CASTOR2: variants seen among roughly 807,000 people sequenced by gnomAD.
CASTOR2 encodes cytosolic arginine sensor for mTORC1 subunit 2, also known as GATS protein like 2.
In CASTOR2, 8 loss-of-function variants were observed where a neutral mutation model predicts 31.2. That is an observed-to-expected ratio of 0.26 (90% CI 0.15 to 0.46). The LOEUF is 0.46. Ranked by LOEUF, CASTOR2 falls within the 20% of genes least tolerant of loss-of-function variation. The pLI, the probability that CASTOR2 is intolerant of heterozygous loss-of-function variation, is 0.99. For missense variants in CASTOR2, 216 were observed against 382.1 expected, an observed-to-expected ratio of 0.57 and a Z score of 3.62; for synonymous variants, 162 against 158.7, an observed-to-expected ratio of 1.02 and a Z score of -0.16.
In CASTOR2 at chr7:75,021,881, A is replaced by G. The variant is rs1224219921; in HGVS notation, c.754A>G (p.Ser252Gly). The G allele has an allele frequency of 3.7e-5, 57 of 1,551,696 alleles. No individual in the cohort carries two copies. Among genetic ancestry groups the G allele is most frequent in the Non-Finnish European group, 4.6e-5 (53 of 1,146,902 alleles). Residue 252 changes from serine to glycine, a missense_variant, in exon 7 of 9, where the codon AGT (serine) becomes GGT (glycine). Ser to Gly is a moderately conservative substitution (Grantham distance 56, BLOSUM62 0). Transcript: ENST00000616305. ...CTCTCGCTCCTTTTGAAGGTTTCCT[A>G]GTAACTTGCTGTTCACAAGCGCATC... ...MDVQTQQRFP[S>G]NLLFTSASGE...
chr7:74,985,301 CAG>C (rs1417117290), intron 1 of CASTOR2, among the ~76,000 whole-genome samples: 7 of 152,004 alleles, frequency 4.6e-5, no homozygotes, highest in African/African-American at 9.7e-5. Context: ...GAGTCACTGT[CAG>C]GGGGTTGGGG....
intron 1 of CASTOR2, among the ~76,000 whole-genome samples, chr7:74,999,453 G>A (rs1469010371): frequency 5.9e-5 from 9 of 151,926 alleles, no homozygotes; most frequent in Non-Finnish European, 8.8e-5. Context: ...TAAATAACAG[G>A]AGAGACCCAT....
Position 74,993,663 on chromosome 7 carries a change from C to T in CASTOR2, c.114-14331C>T, listed in dbSNP as rs1804265891. ...ACAGGGTTTCACCATGTTGCCCAGG[C>T]TGGTCTCGAACTCCTGGTCTCAAGT... On this transcript the variant is annotated intron_variant, in intron 1 of 8. Coordinates refer to ENST00000616305, the MANE Select transcript of CASTOR2 (RefSeq NM_001145064.3). Among the ~76,000 whole-genome samples, 3 of 151,720 alleles carry T rather than the reference C, an allele frequency of 2.0e-5. No individual in the cohort carries two copies. The South Asian group carries it at 6.2e-4, about 32-fold the overall frequency.
At position 75,008,000 on chromosome 7, in the gene CASTOR2, G is replaced by A; in HGVS notation, c.120G>A (p.Lys40=). Residue 40 remains lysine (K), a synonymous_variant, in exon 2 of 9, where the codon AAG becomes AAA. Coordinates refer to ENST00000616305, the MANE Select transcript of CASTOR2 (RefSeq NM_001145064.3). ...TGTCTGTCCATCCATCCAGGTGCAAGTTCTTCAGTCTGACTGAGACGCCAG... is the reference window on the plus strand; with the variant it reads ...TGTCTGTCCATCCATCCAGGTGCAAATTCTTCAGTCTGACTGAGACGCCAG... ...LAFLSSKTRC[K]FFSLTETPED... is the part of the protein sequence containing the mutation. The A allele has an allele frequency of 6.2e-7, 1 of 1,613,964 alleles. No homozygotes were observed. The highest frequency in any genetic ancestry group is 8.5e-7 in the Non-Finnish European group (1 of 1,179,862).
intron 1 of CASTOR2, among the ~76,000 whole-genome samples, chr7:74,987,340 G>A (rs1420931871): frequency 1.3e-5 from 2 of 151,872 alleles, no homozygotes; most frequent in African/African-American, 4.8e-5. Flanking sequence ...GGGAAGTGGA[G>A]GTTGCAGTGA....
rs1190104569 is a variant in CASTOR2 at position 75,030,612 on chromosome 7, G to A, written c.*5913G>A. On this transcript the variant is annotated 3_prime_UTR_variant, in exon 9 of 9. Coordinates refer to ENST00000616305, the MANE Select transcript of CASTOR2 (RefSeq NM_001145064.3). ...GCCTGGCTGTAGGCAGGAGGCCTCA[G>A]TCCTTCCCCAGGTGGGCCAACCCAC... Among the ~76,000 whole-genome samples the A allele has an allele frequency of 3.3e-5, 5 of 152,182 alleles. No individual in the cohort carries two copies. The highest frequency in any genetic ancestry group is 5.9e-5 in the Non-Finnish European group (4 of 68,022).
At chr7:74,993,090 C>G (rs1554437543) in intron 1 of CASTOR2, among the ~76,000 whole-genome samples, 14,895 of 151,886 alleles carry the variant, frequency 0.098, 2,433 homozygotes, top group African/African-American at 0.34. Context: ...GTCCCAGCTA[C>G]TCGGGAGGCT....
intron 1 of CASTOR2, among the ~76,000 whole-genome samples, chr7:74,997,728 GGT>G (rs1804385840): frequency 6.6e-6 from 1 of 151,678 alleles, no homozygotes. Flanking sequence ...TGCCTGACCA[GGT>G]GTTTTTGTTT....
At position 74,985,700 on chromosome 7, in the gene CASTOR2, C is replaced by G. The variant is rs1291318271; in HGVS notation, c.113+20602C>G. Among the ~76,000 whole-genome samples, 6 of 152,040 alleles carry G rather than the reference C, an allele frequency of 3.9e-5. No individual in the cohort carries two copies. The East Asian group carries it at 9.7e-4, about 25-fold the overall frequency. On this transcript the variant is annotated intron_variant, in intron 1 of 8. Coordinates refer to ENST00000616305, the MANE Select transcript of CASTOR2 (RefSeq NM_001145064.3). ...TGACAGTGAGCATGTTCCATTACCC[C>G]CCAGGCCTCAGTGTCCCGTCTGCAG...
intron 4 of CASTOR2, among the ~76,000 whole-genome samples, chr7:75,018,752 C>T (rs1253322685): frequency 6.6e-6 from 1 of 152,236 alleles, no homozygotes; most frequent in Non-Finnish European, 1.5e-5. Context: ...AAGGGCATCC[C>T]AGGCAGCCAG....
Position 75,020,145 on chromosome 7 carries a change from C to T in CASTOR2, c.742C>T (p.Gln248Ter). 6.4e-7 allele frequency: 1 copy of T among 1,551,470 alleles called. No individual in the cohort carries two copies. Among genetic ancestry groups the T allele is most frequent in the Non-Finnish European group, 8.7e-7 (1 of 1,146,830 alleles). Residue 248 changes from glutamine to a stop codon, truncating the protein, a stop_gained, in exon 6 of 9, where the codon CAG (glutamine) becomes TAG (stop). Transcript: ENST00000616305. LOFTEE classifies it high-confidence loss of function. ...CCTGGTGATGGACGTGCAGACGCAG[C>T]AGAGGTGAGCCAGGCCCTGGGGTGG... ...ISLVMDVQTQ[Q>*]RFPSNLLFTS...
At chr7:75,020,221 C>T (rs1804960530) in intron 6 of CASTOR2, 72 bp downstream of exon 6, 4 of 1,306,924 alleles carry the variant, frequency 3.1e-6, no homozygotes, top group East Asian at 2.5e-5. Context: ...TGTGATGGCA[C>T]ATCACCCACT....
intron 1 of CASTOR2, among the ~76,000 whole-genome samples, chr7:74,992,441 G>A (rs1319130799): frequency 6.6e-6 from 1 of 151,946 alleles, no homozygotes; most frequent in Non-Finnish European, 1.5e-5. Flanking sequence ...GTCTCTACAC[G>A]AAAAGATTTT....
Position 75,030,275 on chromosome 7 carries a change from G to A in CASTOR2, c.*5576G>A, listed in dbSNP as rs1416240456. On this transcript the variant is annotated 3_prime_UTR_variant, in exon 9 of 9. Coordinates refer to ENST00000616305, the MANE Select transcript of CASTOR2 (RefSeq NM_001145064.3). ...TATGCATTAGAGTGTGTGCGTGCAC[G>A]TGTGCAGAGCCCACACCTGAGATAT... Among the ~76,000 whole-genome samples the A allele has an allele frequency of 6.6e-5, 10 of 152,372 alleles. No individual in the cohort carries two copies. Among genetic ancestry groups the A allele is most frequent in the Admixed American group, 5.2e-4 (8 of 15,310 alleles).
chr7:75,024,527 A>G lies in CASTOR2; in HGVS notation c.917A>G (p.His306Arg). 6.4e-7 allele frequency: 1 copy of G among 1,551,530 alleles called. No homozygotes were observed. The highest frequency in any genetic ancestry group is 8.7e-7 in the Non-Finnish European group (1 of 1,146,844). Residue 306 changes from histidine (H) to arginine (R), a missense_variant, in exon 8 of 9, where the codon CAT becomes CGT. Physicochemically the swap from His to Arg is conservative, Grantham distance 29. Around this residue, in one of 5 missense-constraint regions of CASTOR2, gnomAD observed 31 missense variants for 32.7 expected, o/e 0.95. Coordinates refer to ENST00000616305, the MANE Select transcript of CASTOR2 (RefSeq NM_001145064.3). ...AYYISTFKFDHALVPEENING... is the reference protein window; with the variant it reads ...AYYISTFKFDRALVPEENING... ...TACATCAGTACTTTCAAGTTTGATC[A>G]TGCACTTGTGAGTGTCCAGCGCCAG...
intron 1 of CASTOR2, among the ~76,000 whole-genome samples, chr7:74,985,075 T>G (rs1228756020): frequency 3.3e-5 from 5 of 152,206 alleles, no homozygotes; most frequent in Admixed American, 6.6e-5. Context: ...AGGTGGAGAT[T>G]GCAGTGAGCT....
At chr7:75,001,404 T>G (rs1804492850) in intron 1 of CASTOR2, among the ~76,000 whole-genome samples, 1 of 152,152 alleles carries the variant, frequency 6.6e-6, no homozygotes, top group South Asian at 2.1e-4. Context: ...TTAACAGCAC[T>G]TAGCACCCAC....
At chr7:75,023,464 C>CTTTTTGT (rs878980871) in intron 7 of CASTOR2, among the ~76,000 whole-genome samples, 2 of 139,108 alleles carry the variant, frequency 1.4e-5, no homozygotes, top group East Asian at 4.5e-4. Flanking sequence ...TTTTTTTTTT[C>CTTTTTGT]TTTTTGTTTT....
intron 7 of CASTOR2, among the ~76,000 whole-genome samples, chr7:75,023,127 C>A (rs1243417719): frequency 1.3e-5 from 2 of 151,944 alleles, no homozygotes; most frequent in Non-Finnish European, 2.9e-5. Flanking sequence ...GCTAACACAG[C>A]AAAACCCTGT....
Sources: allele counts gnomAD v4.1 joint callset (sites outside exome capture counted in the v4.1 genomes callset), GRCh38; gene constraint gnomAD v4.1.1; regional missense constraint gnomAD v4.1.1; transcripts MANE v1.5; gene names NCBI Gene and HGNC (gene_info 2026-07-23, HGNC 2026-07-21).